Variants in ENTREP2 observed in about 807,000 individuals in gnomAD.
The protein encoded by ENTREP2 is endosomal transmembrane epsin interactor 2.
At chr15:29,339,518 C>T in the ENTREP2 span, among the ~76,000 whole-genome samples, 2 of 152,202 alleles carry the variant, frequency 1.3e-5, no homozygotes, top group African/African-American at 4.8e-5. Context: ...TGCGCTGTAA[C>T]AGGCTCAGTG....
the ENTREP2 span, among the ~76,000 whole-genome samples, chr15:29,251,744 C>CTTTTTTTT: frequency 1.0e-5 from 1 of 97,858 alleles, no homozygotes; most frequent in Non-Finnish European, 1.9e-5. Context: ...TTTTTTGTGA[C>CTTTTTTTT]TTTTTTTTTT....
At chr15:29,236,934 C>T in the ENTREP2 span, among the ~76,000 whole-genome samples, 1 of 151,912 alleles carries the variant, frequency 6.6e-6, no homozygotes, top group Non-Finnish European at 1.5e-5. Context: ...GAAAAACAAC[C>T]ATAAACCAAT....
chr15:29,355,123 G>T, the ENTREP2 span, among the ~76,000 whole-genome samples: 1 of 152,092 alleles, frequency 6.6e-6, no homozygotes, highest in Admixed American at 6.5e-5. Context: ...ACGAATTCAG[G>T]TCTCACTCCA....
chr15:29,269,492 G>A, the ENTREP2 span: 2 of 1,608,404 alleles, frequency 1.2e-6, no homozygotes, highest in Non-Finnish European at 8.5e-7. Flanking sequence ...GGGGCGGCCT[G>A]GGCCCGGCGG....
chr15:29,312,711 T>C, the ENTREP2 span, among the ~76,000 whole-genome samples: 788 of 152,288 alleles, frequency 5.2e-3, 19 homozygotes, highest in Admixed American at 0.042. Context: ...GATTGCTTCA[T>C]AGGCTGGCCG....
chr15:29,498,645 G>A, the ENTREP2 span, among the ~76,000 whole-genome samples: 1 of 148,046 alleles, frequency 6.8e-6, no homozygotes, highest in Non-Finnish European at 1.5e-5. Flanking sequence ...AGAATGTTCT[G>A]TATTTCTGTA....
chr15:29,537,627 TGCGACCCTGGCCCTCCTTCAAA>T, the ENTREP2 span, among the ~76,000 whole-genome samples: 23 of 152,284 alleles, frequency 1.5e-4, no homozygotes, highest in African/African-American at 5.5e-4. Context: ...ATCTCCACTT[TGCGACCCTGGCCCTCCTTCAAA>T]GCACTCTACA....
At chr15:29,223,447 A>G in the ENTREP2 span, among the ~76,000 whole-genome samples, 1 of 152,102 alleles carries the variant, frequency 6.6e-6, no homozygotes, top group Non-Finnish European at 1.5e-5. Flanking sequence ...TTCTGCTGTC[A>G]TATCTGCACC....
chr15:29,220,139 T>C, the ENTREP2 span, among the ~76,000 whole-genome samples: 6 of 152,196 alleles, frequency 3.9e-5, no homozygotes, highest in African/African-American at 1.4e-4. Context: ...TTTCTAGGGC[T>C]TATTTGAGGC....
the ENTREP2 span, among the ~76,000 whole-genome samples, chr15:29,388,842 T>C: frequency 1.3e-5 from 2 of 151,844 alleles, no homozygotes; most frequent in Non-Finnish European, 2.9e-5. Context: ...GAAACCATCA[T>C]TCTCAGCAAA....
At chr15:29,648,954 C>CAAA in the ENTREP2 span, among the ~76,000 whole-genome samples, 7 of 149,778 alleles carry the variant, frequency 4.7e-5, no homozygotes, top group African/African-American at 9.8e-5. Context: ...AAAACAACAA[C>CAAA]AAAAAAAACT....
chr15:29,402,047 CT>C, the ENTREP2 span, among the ~76,000 whole-genome samples: 1 of 151,978 alleles, frequency 6.6e-6, no homozygotes, highest in African/African-American at 2.4e-5. Context: ...TAATATTAAC[CT>C]TTAATCCATG....
chr15:29,294,693 A>G, the ENTREP2 span, among the ~76,000 whole-genome samples: 1 of 152,262 alleles, frequency 6.6e-6, no homozygotes, highest in Non-Finnish European at 1.5e-5. Context: ...GGATGATATT[A>G]AAACGCCGTG....
the ENTREP2 span, among the ~76,000 whole-genome samples, chr15:29,246,973 G>GCACACACACACACACA: frequency 1.5e-5 from 2 of 137,012 alleles, no homozygotes; most frequent in Non-Finnish European, 3.1e-5. Flanking sequence ...GACTGGAAAG[G>GCACACACACACACACA]CACACACACA....
chr15:29,438,942 C>G, the ENTREP2 span, among the ~76,000 whole-genome samples: 2 of 152,096 alleles, frequency 1.3e-5, no homozygotes. Context: ...TAACCATGTA[C>G]ATGTGTATTT....
At chr15:29,604,202 C>G in the ENTREP2 span, among the ~76,000 whole-genome samples, 1 of 152,194 alleles carries the variant, frequency 6.6e-6, no homozygotes, top group South Asian at 2.1e-4. Flanking sequence ...CATCAGTCTA[C>G]TTAGTAACCA....
At chr15:29,451,836 G>C in the ENTREP2 span, among the ~76,000 whole-genome samples, 1 of 152,236 alleles carries the variant, frequency 6.6e-6, no homozygotes, top group African/African-American at 2.4e-5. Context: ...CAACGCTCGG[G>C]GCAAAGCCAG....
chr15:29,389,116 A>T, the ENTREP2 span, among the ~76,000 whole-genome samples: 1 of 151,980 alleles, frequency 6.6e-6, no homozygotes, highest in Non-Finnish European at 1.5e-5. Flanking sequence ...AGTATAATTT[A>T]AAAAAACAAT....
At chr15:29,232,430 A>G in the ENTREP2 span, among the ~76,000 whole-genome samples, 1 of 152,114 alleles carries the variant, frequency 6.6e-6, no homozygotes, top group South Asian at 2.1e-4. Flanking sequence ...TTTTGAAAGG[A>G]ACATTTGTAA....
Sources: gnomAD v4.1 joint callset for allele counts (sites outside exome capture counted in the v4.1 genomes callset) on GRCh38, gnomAD v4.1.1 for gene constraint, MANE v1.5 for transcripts, NCBI Gene and HGNC (gene_info 2026-07-23, HGNC 2026-07-21) for gene names.